COLEC10: variants seen among roughly 807,000 people sequenced by gnomAD.
COLEC10 encodes collectin-10.
COLEC10 carries 22 observed loss-of-function variants against 28.4 expected under a neutral mutation model. The observed-to-expected ratio is 0.78, with a 90% confidence interval of 0.55 to 1.11. COLEC10 has a LOEUF of 1.11. Ranked by LOEUF, COLEC10 falls within the 50% of genes least tolerant of loss-of-function variation. COLEC10 has a pLI of 0.00. For synonymous variants in COLEC10, 125 were observed against 116.1 expected, an observed-to-expected ratio of 1.08 and a Z score of -0.49; for missense variants, 361 against 344.1, an observed-to-expected ratio of 1.05 and a Z score of -0.39.
intron 1 of COLEC10, among the ~76,000 whole-genome samples, chr8:119,007,366 A>G (rs1813823421): frequency 6.6e-6 from 1 of 152,020 alleles, no homozygotes; most frequent in Admixed American, 6.6e-5. Context: ...AATCTCTTTC[A>G]ATTTCCCAGT....
At chr8:118,963,769 G>C in the COLEC10 span, among the ~76,000 whole-genome samples, 3 of 151,976 alleles carry the variant, frequency 2.0e-5, no homozygotes, top group Non-Finnish European at 4.4e-5. Context: ...AGCTCCAAGA[G>C]GTTAGGGCTT....
At chr8:119,026,958 G>A (rs1185554019) in intron 2 of COLEC10, among the ~76,000 whole-genome samples, 1 of 152,200 alleles carries the variant, frequency 6.6e-6, no homozygotes, top group South Asian at 2.1e-4. Context: ...GCTGAAGGCA[G>A]GAGCACAGCC....
In COLEC10 at chr8:119,054,180, G is replaced by C. The variant is rs138666761; in HGVS notation, n.236-35500G>C. On this transcript the variant is annotated intron_variant and non_coding_transcript_variant, in intron 2 of 6. Coordinates refer to the COLEC10 transcript ENST00000521788. ...AGGGATTCATGTCCCAGGCAGAATA[G>C]AGTAGGATGATATGAGATTTCATCA... 1.9e-3 allele frequency among the ~76,000 whole-genome samples: 285 copies of C among 152,222 alleles called. 2 individuals carry two copies. The highest frequency in any genetic ancestry group is 6.7e-3 in the African/African-American group (277 of 41,552).
At chr8:119,059,199 C>T (rs975750659) in intron 2 of COLEC10, among the ~76,000 whole-genome samples, 2 of 151,954 alleles carry the variant, frequency 1.3e-5, no homozygotes, top group African/African-American at 2.4e-5. Context: ...TTTTGAAGCA[C>T]AAATGCTTTA....
intron 2 of COLEC10, among the ~76,000 whole-genome samples, chr8:119,010,958 T>C (rs373615708): frequency 6.6e-6 from 1 of 151,092 alleles, no homozygotes; most frequent in Non-Finnish European, 1.5e-5. Flanking sequence ...TTCAATTCTC[T>C]TGCTAGTGTC....
intron 1 of COLEC10, among the ~76,000 whole-genome samples, chr8:119,080,881 G>A (rs1378298204): frequency 1.3e-5 from 2 of 151,938 alleles, no homozygotes; most frequent in African/African-American, 4.8e-5. Flanking sequence ...CTTTCTATAT[G>A]TAACATGGAG....
chr8:119,011,861 A>G (rs77642266), intron 2 of COLEC10, among the ~76,000 whole-genome samples: 1 of 150,998 alleles, frequency 6.6e-6, no homozygotes, highest in East Asian at 1.9e-4. Context: ...ATATTGGCAT[A>G]CTTTTCAGAG....
chr8:119,065,010 C>G (rs1256840830), upstream of COLEC10, among the ~76,000 whole-genome samples: 1 of 152,098 alleles, frequency 6.6e-6, no homozygotes, highest in Non-Finnish European at 1.5e-5. Flanking sequence ...CCCTGTACTG[C>G]TTATGAAAAA....
At chr8:119,069,969 T>C (rs990813288) in intron 1 of COLEC10, among the ~76,000 whole-genome samples, 7 of 152,152 alleles carry the variant, frequency 4.6e-5, no homozygotes, top group Non-Finnish European at 7.3e-5. Flanking sequence ...CCTAAATTCA[T>C]CTGGGAGAGT....
At chr8:119,083,366 T>C (rs1815405094) in intron 1 of COLEC10, among the ~76,000 whole-genome samples, 1 of 152,212 alleles carries the variant, frequency 6.6e-6, no homozygotes, top group South Asian at 2.1e-4. Flanking sequence ...ATCCTCAAAA[T>C]GAGACTTGTG....
chr8:118,966,718 C>T, the COLEC10 span, among the ~76,000 whole-genome samples: 1 of 151,584 alleles, frequency 6.6e-6, no homozygotes, highest in Non-Finnish European at 1.5e-5. Context: ...TAACTCCAAC[C>T]ATAATGTATT....
chr8:118,962,804 T>C, the COLEC10 span, among the ~76,000 whole-genome samples: 7 of 152,216 alleles, frequency 4.6e-5, no homozygotes, highest in East Asian at 1.9e-4. Context: ...AACACTATTG[T>C]ATTCTCTGCT....
At chr8:119,053,686 T>TGGGG (rs60423523) in intron 2 of COLEC10, among the ~76,000 whole-genome samples, 1 of 149,942 alleles carries the variant, frequency 6.7e-6, no homozygotes, top group Admixed American at 6.7e-5. Context: ...AAAAAAAAGG[T>TGGGG]GGGGGGGGCT....
chr8:118,998,134 C>T (rs755092445), intron 1 of COLEC10, among the ~76,000 whole-genome samples: 14 of 151,780 alleles, frequency 9.2e-5, no homozygotes, highest in Non-Finnish European at 1.9e-4. Context: ...ATTCTTTCTG[C>T]TAACTCGCAA....
At chr8:118,981,100 G>C in the COLEC10 span, among the ~76,000 whole-genome samples, 1 of 151,886 alleles carries the variant, frequency 6.6e-6, no homozygotes, top group Non-Finnish European at 1.5e-5. Flanking sequence ...GTGTAAATCA[G>C]GTGGTTATAA....
chr8:119,055,212 A>G (rs1814740945), intron 2 of COLEC10, among the ~76,000 whole-genome samples: 1 of 152,024 alleles, frequency 6.6e-6, no homozygotes, highest in Non-Finnish European at 1.5e-5. Context: ...AACAAATACA[A>G]TAGGTCAACC....
chr8:119,019,937 A>G (rs1377193368), intron 2 of COLEC10, among the ~76,000 whole-genome samples: 1 of 152,194 alleles, frequency 6.6e-6, no homozygotes, highest in African/African-American at 2.4e-5. Flanking sequence ...TTGAAGAAAA[A>G]AAGTATACAA....
At chr8:118,981,549 G>C in the COLEC10 span, among the ~76,000 whole-genome samples, 1 of 151,572 alleles carries the variant, frequency 6.6e-6, no homozygotes, top group Non-Finnish European at 1.5e-5. Flanking sequence ...TCTAACCTTG[G>C]GTAAAAATGA....
At chr8:119,101,185 T>C (rs1016963972) in intron 3 of COLEC10, among the ~76,000 whole-genome samples, 4 of 152,144 alleles carry the variant, frequency 2.6e-5, no homozygotes, top group African/African-American at 7.2e-5. Flanking sequence ...CCTTGGGCCG[T>C]ATAACTAATT....
Sources: allele counts gnomAD v4.1 joint callset (sites outside exome capture counted in the v4.1 genomes callset), GRCh38; gene constraint gnomAD v4.1.1; transcripts MANE v1.5; gene names NCBI Gene and HGNC (gene_info 2026-07-23, HGNC 2026-07-21).